NEBL: variants seen among roughly 807,000 people sequenced by gnomAD.
The protein encoded by NEBL is nebulette.
Under a neutral mutation model 140.2 loss-of-function variants are expected in NEBL, and 122 were observed. The ratio of observed to expected loss-of-function variants is 0.87; its 90% CI spans 0.75 to 1.01. The LOEUF (loss-of-function observed/expected upper bound fraction) is 1.01. Among genes scored for constraint, NEBL ranks in the 50% least tolerant of loss-of-function variants. The pLI, the probability that NEBL is intolerant of heterozygous loss-of-function variation, is 0.00. For missense variants in NEBL, 1,365 were observed against 1,231.3 expected (o/e 1.11, Z -1.62); for synonymous variants, 436 against 398.9 (o/e 1.09, Z -1.11).
chr10:21,017,569 C>T (rs1838604073), intron 3 of NEBL, among the ~76,000 whole-genome samples: 1 of 152,052 alleles, frequency 6.6e-6, no homozygotes, highest in Admixed American at 6.6e-5. Flanking sequence ...ATAAAATCGG[C>T]CATTCATAAA....
chr10:20,945,346 G>A (rs901104758), intron 4 of NEBL, among the ~76,000 whole-genome samples: 1 of 152,132 alleles, frequency 6.6e-6, no homozygotes, highest in Non-Finnish European at 1.5e-5. Flanking sequence ...ACCAGGCTAC[G>A]TTCTGTGTTC....
At chr10:20,887,065 G>T (rs542329902) in intron 4 of NEBL, among the ~76,000 whole-genome samples, 6 of 152,160 alleles carry the variant, frequency 3.9e-5, no homozygotes, top group Admixed American at 1.3e-4. Flanking sequence ...CCCCAAATTT[G>T]ATTGTTCTGT....
At chr10:21,227,973 C>T (rs1198162663) in intron 3 of NEBL, among the ~76,000 whole-genome samples, 3 of 151,840 alleles carry the variant, frequency 2.0e-5, no homozygotes, top group Non-Finnish European at 4.4e-5. Flanking sequence ...CATTTACATT[C>T]TTAAAAGGCA....
rs552097782 is a variant in NEBL, at chr10:20,781,957, T to G, written c.*3790A>C. On this transcript the variant is annotated 3_prime_UTR_variant, in exon 28 of 28. Transcript: ENST00000377122. ...GTATAATTAATTTATGAAGTGAAGT[T>G]CATCTTGTGTAGTGAATCCAGCCTC... The G allele has an allele frequency of 1.8e-3, 274 of 152,696 alleles. No homozygotes were observed. The highest frequency in any genetic ancestry group is 6.4e-3 in the African/African-American group (266 of 41,558). The allele number at this position is 152,696 out of a possible 1,614,324, so 9.5% of individuals were successfully genotyped here. A position where few individuals can be genotyped will look rare whatever the true frequency, so the allele number is the denominator to read the frequency against.
intron 1 of NEBL, among the ~76,000 whole-genome samples, chr10:21,255,214 C>T (rs1267758052): frequency 6.6e-6 from 1 of 152,014 alleles, no homozygotes; most frequent in Non-Finnish European, 1.5e-5. Flanking sequence ...ATGAGTGGCA[C>T]ATATGGGAAT....
Position 20,813,804 on chromosome 10 carries a change from C to T in NEBL, c.2346+135G>A, listed in dbSNP as rs1290131831. On this transcript the variant is annotated intron_variant, in intron 23 of 27. Coordinates refer to ENST00000377122, the MANE Select transcript of NEBL (RefSeq NM_006393.3). ...CTGCATTTCAGTGTGATTAGAAATG[C>T]CCCTCCCTCAAAAGACAAGCCAACC... 26 of 686,794 alleles carry T rather than the reference C, an allele frequency of 3.8e-5. No individual in the cohort carries two copies. The Admixed American group carries it at 5.0e-4, about 13-fold the overall frequency. The allele number at this position is 686,794 out of a possible 1,614,324, so 42.5% of individuals were successfully genotyped here.
At chr10:21,003,766 A>G (rs1191174056) in intron 3 of NEBL, among the ~76,000 whole-genome samples, 1 of 152,266 alleles carries the variant, frequency 6.6e-6, no homozygotes, top group Non-Finnish European at 1.5e-5. Flanking sequence ...AAATTGTCAT[A>G]TAATTCTGCT....
At chr10:21,107,742 G>T (rs1370891801) in intron 2 of NEBL, among the ~76,000 whole-genome samples, 2 of 152,118 alleles carry the variant, frequency 1.3e-5, no homozygotes, top group Admixed American at 1.3e-4. Context: ...TGGAAGGAAT[G>T]GTACCAGCTC....
At chr10:20,896,516 A>ATATATATATG (rs1339116159) in intron 2 of NEBL, among the ~76,000 whole-genome samples, 1 of 138,314 alleles carries the variant, frequency 7.2e-6, no homozygotes. Context: ...ATATATATAT[A>ATATATATATG]TGCATTTTCC....
Position 20,919,982 on chromosome 10 carries a change from C to T in NEBL, c.357+41690G>A, listed in dbSNP as rs181862674. 1.8e-4 allele frequency among the ~76,000 whole-genome samples: 27 copies of T among 151,974 alleles called. No homozygotes were observed. In the East Asian group the frequency reaches 3.5e-3, roughly 20 times the overall value. On this transcript the variant is annotated intron_variant, in intron 4 of 6. Transcript: ENST00000417816. ...TCTAAAAATTGAGAAAAAAAATCAA[C>T]AACCCAATATGGACAAAAGATGAAT...
intron 3 of NEBL, among the ~76,000 whole-genome samples, chr10:21,011,645 CTGGCATCTGTTGGCATCTGTGGCATCTGT>C (rs553634143): frequency 0.014 from 2,059 of 150,126 alleles, 45 homozygotes; most frequent in African/African-American, 0.048. Context: ...GCATCTGTGG[CTGGCATCTGTTGGCATCTGTGGCATCTGT>C]TGGCATCTGT....
chr10:20,818,850 G>A (rs181938557), intron 20 of NEBL: 1 of 990,430 alleles, frequency 1.0e-6, no homozygotes, highest in Non-Finnish European at 1.2e-6. Flanking sequence ...ACAAGGAAAT[G>A]TGAAAAGGAA....
intron 16 of NEBL, among the ~76,000 whole-genome samples, chr10:20,829,748 G>C (rs553824747): frequency 6.7e-4 from 102 of 152,148 alleles, no homozygotes; most frequent in Non-Finnish European, 1.2e-3. Flanking sequence ...ATGCTGTTGA[G>C]TTAATGCAGG....
chr10:21,022,934 A>G (rs1838855495), intron 2 of NEBL, among the ~76,000 whole-genome samples: 1 of 152,172 alleles, frequency 6.6e-6, no homozygotes, highest in Non-Finnish European at 1.5e-5. Flanking sequence ...TGCTCTCCTT[A>G]TGCTGAAGTC....
chr10:20,961,849 C>A, intron 3 of NEBL: 1 of 1,158,162 alleles, frequency 8.6e-7, no homozygotes, highest in Non-Finnish European at 1.3e-6. Context: ...GCTGGGCCAA[C>A]GAAGCTGCTG....
At chr10:20,832,175 A>G (rs1029326254) in intron 14 of NEBL, among the ~76,000 whole-genome samples, 2 of 152,198 alleles carry the variant, frequency 1.3e-5, no homozygotes, top group African/African-American at 4.8e-5. Flanking sequence ...ACCATCCAGA[A>G]ACTGGCCCAA....
intron 9 of NEBL, among the ~76,000 whole-genome samples, chr10:20,853,792 G>A (rs562063194): frequency 6.6e-6 from 1 of 152,224 alleles, no homozygotes; most frequent in East Asian, 1.9e-4. Context: ...AATACCGTTA[G>A]AGAGAATGAG....
intron 2 of NEBL, among the ~76,000 whole-genome samples, chr10:21,164,780 C>A (rs143418067): frequency 1.3e-5 from 2 of 152,300 alleles, no homozygotes; most frequent in Non-Finnish European, 2.9e-5. Context: ...ACACTGGAAC[C>A]TTTTTATTGG....
At chr10:20,986,231 G>A (rs2131675365) in intron 3 of NEBL, among the ~76,000 whole-genome samples, 1 of 152,206 alleles carries the variant, frequency 6.6e-6, no homozygotes, top group East Asian at 1.9e-4. Context: ...TATAATTCAT[G>A]CAAAGCAACC....
Sources: gnomAD v4.1 joint callset for allele counts (sites outside exome capture counted in the v4.1 genomes callset) on GRCh38, gnomAD v4.1.1 for gene constraint, MANE v1.5 for transcripts, NCBI Gene and HGNC (gene_info 2026-07-23, HGNC 2026-07-21) for gene names.